Variants in ULK4 observed in about 807,000 individuals in gnomAD.
ULK4 encodes inactive serine/threonine-protein kinase ULK4.
A neutral mutation model predicts 160.6 loss-of-function variants in ULK4; 133 were observed. The observed-to-expected ratio is 0.83, with a 90% CI of 0.72 to 0.96. The LOEUF is 0.96. ULK4 is among the 40% of genes least tolerant of loss of function. The pLI, the probability that ULK4 is intolerant of heterozygous loss-of-function variation, is 0.00. For missense variants in ULK4, 1,580 were observed against 1,499.5 expected (o/e 1.05, Z -0.89); for synonymous variants, 534 against 539.8 (o/e 0.99, Z 0.15).
At chr3:41,748,215 G>C (rs2038485660) in intron 22 of ULK4, among the ~76,000 whole-genome samples, 1 of 143,242 alleles carries the variant, frequency 7.0e-6, no homozygotes, top group African/African-American at 2.7e-5. Flanking sequence ...TAGAGAGAGA[G>C]GCCACATATA....
intron 35 of ULK4, among the ~76,000 whole-genome samples, chr3:41,322,466 G>A (rs1172190746): frequency 3.9e-5 from 6 of 152,178 alleles, no homozygotes; most frequent in Admixed American, 3.9e-4. Flanking sequence ...TGGATTCGCT[G>A]CTGCTAACAA....
chr3:41,708,779 T>C (rs146517504), intron 25 of ULK4, among the ~76,000 whole-genome samples: 21 of 152,344 alleles, frequency 1.4e-4, no homozygotes, highest in East Asian at 1.9e-4. Flanking sequence ...GTAACAGATA[T>C]GTTTATTAGC....
At chr3:41,703,834 G>GCA (rs35693704) in intron 27 of ULK4, among the ~76,000 whole-genome samples, 6,368 of 129,218 alleles carry the variant, frequency 0.049, 172 homozygotes, top group Non-Finnish European at 0.064. Context: ...TAATGCGCAT[G>GCA]CACACACACA....
chr3:41,620,259 A>T (rs2033178474), intron 30 of ULK4, among the ~76,000 whole-genome samples: 1 of 152,220 alleles, frequency 6.6e-6, no homozygotes. Context: ...AACTCATTTT[A>T]TGAGGCTAGC....
intron 22 of ULK4, among the ~76,000 whole-genome samples, chr3:41,735,913 T>C (rs1228306787): frequency 7.3e-6 from 1 of 137,420 alleles, no homozygotes; most frequent in South Asian, 2.4e-4. Flanking sequence ...CATTGTTCAA[T>C]TCCCACCTAT....
chr3:41,921,969 C>A (rs930785120), intron 5 of ULK4, among the ~76,000 whole-genome samples: 1 of 152,008 alleles, frequency 6.6e-6, no homozygotes, highest in Non-Finnish European at 1.5e-5. Context: ...GCCTGACCAA[C>A]ATGGACAAAC....
In ULK4 at chr3:41,514,347, C is replaced by G. The variant is rs575410145; in HGVS notation, c.3227-51094G>C. Among the ~76,000 whole-genome samples the G allele has an allele frequency of 3.3e-5, 5 of 152,204 alleles. No homozygotes were observed. In the South Asian group the frequency reaches 1.0e-3, roughly 32 times the overall value. On this transcript the variant is annotated intron_variant, in intron 32 of 36. Transcript: ENST00000301831. ...GAGACAGATTTTCTTTTTACAGGAC[C>G]AGGTCAAACAAAAGACCTGGAGGGG...
At chr3:41,360,433 T>C (rs1429826681) in intron 35 of ULK4, among the ~76,000 whole-genome samples, 3 of 152,150 alleles carry the variant, frequency 2.0e-5, no homozygotes, top group African/African-American at 7.2e-5. Flanking sequence ...CCTAAAGGAA[T>C]AGAAATCATT....
chr3:41,284,921 G>A (rs1288844367), intron 35 of ULK4, among the ~76,000 whole-genome samples: 1 of 152,098 alleles, frequency 6.6e-6, no homozygotes, highest in Non-Finnish European at 1.5e-5. Context: ...CCATCAAAAA[G>A]TAGGCTAAGG....
chr3:41,584,155 G>A (rs562257956), intron 31 of ULK4, among the ~76,000 whole-genome samples: 1 of 152,252 alleles, frequency 6.6e-6, no homozygotes, highest in East Asian at 1.9e-4. Context: ...GAGATTGGGA[G>A]AAGATTATAC....
intron 9 of ULK4, among the ~76,000 whole-genome samples, chr3:41,912,156 T>C (rs1461481278): frequency 6.6e-6 from 1 of 152,028 alleles, no homozygotes; most frequent in Non-Finnish European, 1.5e-5. Flanking sequence ...GGTGAAACCC[T>C]GTCTCTACTA....
chr3:41,564,329 C>T (rs2087709540), intron 32 of ULK4, among the ~76,000 whole-genome samples: 1 of 151,960 alleles, frequency 6.6e-6, no homozygotes, highest in South Asian at 2.1e-4. Flanking sequence ...AGTTAGGCTA[C>T]AAGGGGGTCA....
chr3:41,618,475 T>A (rs760949717), intron 30 of ULK4, among the ~76,000 whole-genome samples: 3 of 152,214 alleles, frequency 2.0e-5, no homozygotes, highest in African/African-American at 4.8e-5. Context: ...ACATTCAACA[T>A]TCTTAAAGAA....
At chr3:41,697,744 A>C (rs544304353) in intron 27 of ULK4, among the ~76,000 whole-genome samples, 1 of 152,188 alleles carries the variant, frequency 6.6e-6, no homozygotes, top group Non-Finnish European at 1.5e-5. Flanking sequence ...CAGTCTCCCA[A>C]AGTGCTAAGA....
chr3:41,416,345 A>C (rs1219191967), intron 34 of ULK4, among the ~76,000 whole-genome samples: 1 of 152,176 alleles, frequency 6.6e-6, no homozygotes. Flanking sequence ...AGAAGTGACC[A>C]CCACAGGTCC....
At chr3:41,447,221 C>T (rs563233477) in intron 34 of ULK4, among the ~76,000 whole-genome samples, 11 of 152,150 alleles carry the variant, frequency 7.2e-5, no homozygotes, top group African/African-American at 2.7e-4. Flanking sequence ...TCCCATCTCT[C>T]GCCTATCGGT....
At chr3:41,878,652 T>G (rs1169970325) in intron 17 of ULK4, among the ~76,000 whole-genome samples, 1 of 100,104 alleles carries the variant, frequency 1.0e-5, no homozygotes, top group African/African-American at 4.0e-5. Flanking sequence ...ATGTAGACAA[T>G]AATCGATTGA....
chr3:41,674,971 G>GTGGC (rs1391251882), intron 29 of ULK4, among the ~76,000 whole-genome samples: 2 of 152,172 alleles, frequency 1.3e-5, no homozygotes, highest in Non-Finnish European at 2.9e-5. Context: ...GCCGGGCATG[G>GTGGC]TGGCTCACGC....
intron 36 of ULK4, among the ~76,000 whole-genome samples, chr3:41,249,122 G>A (rs2078698255): frequency 6.6e-6 from 1 of 152,206 alleles, no homozygotes; most frequent in Non-Finnish European, 1.5e-5. Context: ...GGCTGCTGAT[G>A]GGGGCATGTG....
Sources: allele counts gnomAD v4.1 joint callset (sites outside exome capture counted in the v4.1 genomes callset), GRCh38; gene constraint gnomAD v4.1.1; transcripts MANE v1.5; gene names NCBI Gene and HGNC (gene_info 2026-07-23, HGNC 2026-07-21).